Variants in BCAS3 observed in about 807,000 individuals in gnomAD.
BCAS3 encodes BCAS4/BCAS3 fusion.
Under a neutral mutation model 116.1 loss-of-function variants are expected in BCAS3, and 53 were observed. The ratio of observed to expected loss-of-function variants is 0.46; its 90% confidence interval spans 0.37 to 0.57. The LOEUF (loss-of-function observed/expected upper bound fraction) is 0.57. Among genes scored for constraint, BCAS3 ranks in the 20% least tolerant of loss-of-function variants. BCAS3 has a pLI of 0.00. For synonymous variants in BCAS3, 391 were observed against 408.2 expected (o/e 0.96, Z 0.51); for missense variants, 917 against 1,165.4 (o/e 0.79, Z 3.10).
intron 22 of BCAS3, among the ~76,000 whole-genome samples, chr17:61,298,540 C>T (rs1332240820): frequency 1.3e-5 from 2 of 152,218 alleles, no homozygotes; most frequent in Non-Finnish European, 2.9e-5. Context: ...TGAGCATCAT[C>T]ACTCTCCGTG....
chr17:61,114,580 AAATAAAAGAGGATACAAACAAATGG>A (rs1438823794), intron 22 of BCAS3, among the ~76,000 whole-genome samples: 17 of 151,986 alleles, frequency 1.1e-4, no homozygotes, highest in African/African-American at 3.6e-4. Flanking sequence ...CTGCTCGAGG[AAATAAAAGAGGATACAAACAAATGG>A]AAGAACATTC....
At position 61,219,022 on chromosome 17, in the gene BCAS3, G is replaced by T. The variant is rs2081963178; in HGVS notation, c.2425+134458G>T. ...TAGTGTCACTTGAATCCAAAAAAGTGATCTCCCTCCTCATTTTCTGTTTGC... is the reference window on the plus strand; with the variant it reads ...TAGTGTCACTTGAATCCAAAAAAGTTATCTCCCTCCTCATTTTCTGTTTGC... On this transcript the variant is annotated intron_variant, in intron 22 of 23. Transcript: ENST00000407086. This position sits in a 1 kb window ranked among gnomAD's most constrained non-coding sequence, Gnocchi z 5.2. Among the ~76,000 whole-genome samples the T allele has an allele frequency of 6.6e-6, 1 of 152,166 alleles. No homozygotes were observed. The highest frequency in any genetic ancestry group is 2.4e-5 in the African/African-American group (1 of 41,434).
intron 22 of BCAS3, among the ~76,000 whole-genome samples, chr17:61,335,289 C>T (rs1348491590): frequency 2.0e-5 from 3 of 152,322 alleles, no homozygotes; most frequent in South Asian, 2.1e-4. Flanking sequence ...CATGCTGAAT[C>T]GTCCTTTCCA....
rs1361044384 is a variant in BCAS3 at position 61,286,494 on chromosome 17, G to A, written c.2426-81833G>A. On this transcript the variant is annotated intron_variant, in intron 22 of 23. Transcript: ENST00000407086. The surrounding 1 kb of genome is among the most constrained non-coding windows in gnomAD (Gnocchi z 4.8). Reference sequence around the variant, plus strand: ...TGGAGGCCATCGATAACTGGACCTAGAAGGGTTTCTCCAGATTTTCTCACG... The same window carrying A: ...TGGAGGCCATCGATAACTGGACCTAAAAGGGTTTCTCCAGATTTTCTCACG... Among the ~76,000 whole-genome samples the A allele has an allele frequency of 6.6e-6, 1 of 152,214 alleles. No homozygotes were observed. The highest frequency in any genetic ancestry group is 2.4e-5 in the African/African-American group (1 of 41,450).
At chr17:61,382,779 T>C (rs2059669841) in intron 23 of BCAS3, 1 of 152,158 alleles carries the variant, frequency 6.6e-6, no homozygotes, top group African/African-American at 2.4e-5. Context: ...ATAAATGCCA[T>C]GAACTGAAAG....
chr17:60,972,840 C>T (rs2062050011), intron 14 of BCAS3, among the ~76,000 whole-genome samples: 1 of 152,094 alleles, frequency 6.6e-6, no homozygotes, highest in Non-Finnish European at 1.5e-5. Flanking sequence ...TATTTTAATT[C>T]CCTTTTTTAT....
intron 13 of BCAS3, among the ~76,000 whole-genome samples, chr17:60,935,009 T>C (rs1484282362): frequency 6.6e-6 from 1 of 152,004 alleles, no homozygotes; most frequent in Non-Finnish European, 1.5e-5. Flanking sequence ...AATACAAAAA[T>C]CAGCCGGGTG....
chr17:61,147,505 G>GCC, intron 22 of BCAS3, among the ~76,000 whole-genome samples: 1 of 152,294 alleles, frequency 6.6e-6, no homozygotes, highest in East Asian at 1.9e-4. Context: ...TTACAGGTGT[G>GCC]CACCATTGTA....
intron 6 of BCAS3, among the ~76,000 whole-genome samples, chr17:60,802,295 A>AAAAAAATATAT (rs1299403402): frequency 2.5e-4 from 32 of 127,934 alleles, no homozygotes; most frequent in African/African-American, 1.1e-3. Flanking sequence ...AAAAAAAAAA[A>AAAAAAATATAT]ATATATATAT....
rs527690015 is a variant in BCAS3, at chr17:61,364,709, A to G, written c.2426-3618A>G. On this transcript the variant is annotated intron_variant, in intron 22 of 23. Coordinates refer to ENST00000407086, the MANE Select transcript of BCAS3 (RefSeq NM_017679.5). This position sits in a 1 kb window ranked among gnomAD's most constrained non-coding sequence, Gnocchi z 5.4. ...GGCAAAAGAGTGAGACCCCGTCTCA[A>G]AACAAAACAAAACAAAACAGTTCTC... 6.6e-6 allele frequency among the ~76,000 whole-genome samples: 1 copy of G among 152,316 alleles called. No homozygotes were observed. The highest frequency in any genetic ancestry group is 1.9e-4 in the East Asian group (1 of 5,186).
intron 7 of BCAS3, among the ~76,000 whole-genome samples, chr17:60,846,284 CAA>C (rs1208300623): frequency 6.6e-6 from 1 of 152,116 alleles, no homozygotes; most frequent in Non-Finnish European, 1.5e-5. Flanking sequence ...TTACTTATGT[CAA>C]AAGTCCTTTT....
chr17:61,228,953 G>A lies in BCAS3; in HGVS notation c.2426-139374G>A, dbSNP rs779913420. Among the ~76,000 whole-genome samples, 8 of 151,658 alleles carry A rather than the reference G, an allele frequency of 5.3e-5. No homozygotes were observed. The highest frequency in any genetic ancestry group is 5.9e-5 in the Non-Finnish European group (4 of 67,988). On this transcript the variant is annotated intron_variant, in intron 22 of 23. Transcript: ENST00000407086. The surrounding 1 kb of genome is among the most constrained non-coding windows in gnomAD (Gnocchi z 5.0). ...GCTAGTCCTCTTGCAGCAGTTAGCC[G>A]AGTTGTTAATGTAAAGGAAAAGTTC... is the stretch of plus-strand genomic sequence containing the variant.
intron 4 of BCAS3, among the ~76,000 whole-genome samples, chr17:60,708,690 G>A (rs1037128604): frequency 1.3e-5 from 2 of 152,000 alleles, no homozygotes; most frequent in African/African-American, 4.8e-5. Context: ...CACCACACCC[G>A]ACTAATTTTT....
In BCAS3 at chr17:61,026,853, C is replaced by A; in HGVS notation, c.1638-7813C>A. On this transcript the variant is annotated intron_variant, in intron 16 of 23. Transcript: ENST00000407086. The surrounding 1 kb of genome is among the most constrained non-coding windows in gnomAD (Gnocchi z 5.0). ...TCTAATTTTTTGTGCATTTTTCCCC[C>A]TTTTCCATGAAGGCCTTATCTCTTT... 1 of 1,591,588 alleles carries A rather than the reference C, an allele frequency of 6.3e-7. No homozygotes were observed. Among genetic ancestry groups the A allele is most frequent in the Non-Finnish European group, 8.6e-7 (1 of 1,167,428 alleles).
chr17:61,250,875 T>A (rs533993806), intron 22 of BCAS3, among the ~76,000 whole-genome samples: 1 of 152,318 alleles, frequency 6.6e-6, no homozygotes, highest in South Asian at 2.1e-4. Flanking sequence ...CAGTCTGGTT[T>A]TTGAACATTA....
intron 5 of BCAS3, 35 bp downstream of exon 5, chr17:60,709,360 C>G (rs556172730): frequency 8.2e-7 from 1 of 1,226,320 alleles, no homozygotes; most frequent in Non-Finnish European, 1.2e-6. Context: ...CTAAAACATA[C>G]TTCCCAGCAT....
chr17:60,985,194 G>A (rs2063065423), intron 14 of BCAS3, among the ~76,000 whole-genome samples: 1 of 147,740 alleles, frequency 6.8e-6, no homozygotes, highest in African/African-American at 2.5e-5. Flanking sequence ...TGCCCAGGTG[G>A]GAGTGCAGTG....
chr17:60,820,468 C>T (rs2049859256), intron 7 of BCAS3, among the ~76,000 whole-genome samples: 1 of 152,086 alleles, frequency 6.6e-6, no homozygotes, highest in Non-Finnish European at 1.5e-5. Context: ...GCTCAGTCTC[C>T]CAAGGCAAGG....
intron 22 of BCAS3, among the ~76,000 whole-genome samples, chr17:61,143,636 C>G (rs918355581): frequency 2.1e-4 from 32 of 152,024 alleles, no homozygotes; most frequent in African/African-American, 7.5e-4. Flanking sequence ...TGGCGAGACC[C>G]CGCCTCTACT....
Sources: allele counts gnomAD v4.1 joint callset (sites outside exome capture counted in the v4.1 genomes callset), GRCh38; gene constraint gnomAD v4.1.1; non-coding constraint Gnocchi (gnomAD v3.1); transcripts MANE v1.5; gene names NCBI Gene and HGNC (gene_info 2026-07-23, HGNC 2026-07-21).